The following FRMD3 variants were observed in gnomAD, a reference collection of about 807,000 sequenced individuals.
FRMD3 encodes the protein FERM domain-containing protein 3.
FRMD3 carries 33 observed loss-of-function variants against 70.2 expected under a neutral mutation model. The ratio of observed to expected loss-of-function variants is 0.47; its 90% CI spans 0.36 to 0.63. The LOEUF (loss-of-function observed/expected upper bound fraction) is 0.63, where lower values mean the gene tolerates loss of function less well. FRMD3 is among the 20% of genes least tolerant of loss of function. FRMD3 has a pLI of 0.00. For synonymous variants in FRMD3, 279 were observed against 255.9 expected (o/e 1.09, Z -0.86); for missense variants, 632 against 711.4 (o/e 0.89, Z 1.27).
chr9:83,355,911 AG>A (rs1435951279), intron 3 of FRMD3, among the ~76,000 whole-genome samples: 3 of 152,220 alleles, frequency 2.0e-5, no homozygotes, highest in Non-Finnish European at 4.4e-5. Context: ...TGAGAACAGC[AG>A]GGCTCCTCTC....
chr9:83,406,601 C>A (rs1166833998), intron 1 of FRMD3, among the ~76,000 whole-genome samples: 1 of 152,178 alleles, frequency 6.6e-6, no homozygotes, highest in Non-Finnish European at 1.5e-5. Flanking sequence ...CTGATGATAA[C>A]CCTCCCAGAT....
chr9:83,360,450 G>A lies in FRMD3; in HGVS notation c.296-10693C>T, dbSNP rs182529529. ...GAACCACCTCTAGTACTCACATACC[G>A]AGCATGGAACCTCCTGCCCATCATG... is the stretch of plus-strand genomic sequence containing the variant. On this transcript the variant is annotated intron_variant, in intron 3 of 13. Transcript: ENST00000304195. Among the ~76,000 whole-genome samples the A allele has an allele frequency of 3.6e-3, 548 of 152,210 alleles. 3 individuals carry two copies. The highest frequency in any genetic ancestry group is 0.012 in the African/African-American group (511 of 41,536).
intron 13 of FRMD3, among the ~76,000 whole-genome samples, chr9:83,272,252 C>T (rs1220961034): frequency 7.9e-5 from 12 of 151,842 alleles, no homozygotes; most frequent in Admixed American, 1.3e-4. Context: ...TGCAGGCGGG[C>T]GCCGCCACGC....
At position 83,309,574 on chromosome 9, in the gene FRMD3, A is replaced by T. The variant is rs1336199649; in HGVS notation, c.888T>A (p.His296Gln). 3.1e-6 allele frequency: 5 copies of T among 1,599,670 alleles called. No individual in the cohort carries two copies. Among genetic ancestry groups the T allele is most frequent in the Non-Finnish European group, 3.4e-6 (4 of 1,173,358 alleles). ...FHTSTPAACK[H>Q]LWKCGVENQA... ...GGTTTTCCACTCCACACTTCCAAAG[A>T]TGTTTGCAGGCAGCTGGTGTTGAAG... is the stretch of plus-strand genomic sequence containing the variant. Residue 296 changes from histidine (H) to glutamine (Q), a missense_variant, in exon 10 of 14, where the codon CAT (histidine) becomes CAA (glutamine). Transcript: ENST00000304195.
At chr9:83,390,331 G>T (rs1003735350) in intron 1 of FRMD3, among the ~76,000 whole-genome samples, 3 of 152,210 alleles carry the variant, frequency 2.0e-5, no homozygotes, top group Non-Finnish European at 2.9e-5. Flanking sequence ...GCTCTGCCAG[G>T]AGGCAGCATC....
At chr9:83,414,492 A>C (rs866379250) in intron 1 of FRMD3, among the ~76,000 whole-genome samples, 23 of 152,228 alleles carry the variant, frequency 1.5e-4, no homozygotes, top group African/African-American at 5.1e-4. Flanking sequence ...AAATGGACTT[A>C]ATTAAAATTA....
At chr9:83,393,663 C>T (rs541619505) in intron 1 of FRMD3, among the ~76,000 whole-genome samples, 1 of 152,022 alleles carries the variant, frequency 6.6e-6, no homozygotes, top group South Asian at 2.1e-4. Context: ...AGTGTGCAGC[C>T]TAGATCTCTC....
At chr9:83,452,204 T>C (rs535347195) in intron 1 of FRMD3, among the ~76,000 whole-genome samples, 3 of 152,296 alleles carry the variant, frequency 2.0e-5, no homozygotes, top group African/African-American at 7.2e-5. Context: ...ACACTATTGA[T>C]ATCCTCCTGT....
At chr9:83,309,984 G>A (rs1835289740) in intron 9 of FRMD3, among the ~76,000 whole-genome samples, 1 of 152,208 alleles carries the variant, frequency 6.6e-6, no homozygotes, top group East Asian at 1.9e-4. Flanking sequence ...AAGAAAACCC[G>A]CAAATTTCTA....
intron 3 of FRMD3, among the ~76,000 whole-genome samples, chr9:83,358,779 C>A (rs1356364522): frequency 6.6e-6 from 1 of 151,748 alleles, no homozygotes; most frequent in Non-Finnish European, 1.5e-5. Flanking sequence ...TGCCTATATT[C>A]CTGTTGTGCA....
At chr9:83,418,467 T>C (rs1388411758) in intron 1 of FRMD3, among the ~76,000 whole-genome samples, 1 of 150,918 alleles carries the variant, frequency 6.6e-6, no homozygotes, top group African/African-American at 2.4e-5. Flanking sequence ...TGGGCAAATA[T>C]TATGAATAGA....
downstream of FRMD3, among the ~76,000 whole-genome samples, chr9:83,244,304 T>C (rs1258105384): frequency 6.7e-6 from 1 of 148,192 alleles, no homozygotes; most frequent in African/African-American, 2.4e-5. Flanking sequence ...CTGAAATCCA[T>C]GCTCCTATCT....
rs539079385 is a variant in FRMD3, at chr9:83,245,235, A to G, written c.*2683T>C. 7 of 984,410 alleles carry G rather than the reference A, an allele frequency of 7.1e-6. No individual in the cohort carries two copies. The highest frequency in any genetic ancestry group is 7.2e-6 in the Non-Finnish European group (6 of 828,986). The allele number at this position is 984,410 out of a possible 1,614,324, so 61.0% of individuals were successfully genotyped here. A position where few individuals can be genotyped will look rare whatever the true frequency, so the allele number is the denominator to read the frequency against. On this transcript the variant is annotated 3_prime_UTR_variant, in exon 14 of 14. Transcript: ENST00000304195. The stretch of plus-strand genomic sequence containing the variant: ...CATATACCAATAATATGGAATATAC[A>G]TATACTCACACACTTGCTTTAAACT...
intron 1 of FRMD3, among the ~76,000 whole-genome samples, chr9:83,508,798 C>T (rs1307732371): frequency 6.6e-6 from 1 of 152,200 alleles, no homozygotes; most frequent in African/African-American, 2.4e-5. Flanking sequence ...TACAGGCATA[C>T]GGCCACACTT....
intron 1 of FRMD3, among the ~76,000 whole-genome samples, chr9:83,507,691 CATATAT>C (rs34251863): frequency 0.016 from 776 of 49,206 alleles, 45 homozygotes; most frequent in East Asian, 0.058. Context: ...AATATACATA[CATATAT>C]ATATATATAT....
chr9:83,550,723 T>TGTGTGC, the FRMD3 span, among the ~76,000 whole-genome samples: 1 of 150,380 alleles, frequency 6.6e-6, no homozygotes. Context: ...TGTGTGTGTG[T>TGTGTGC]GCATTCATGT....
intron 5 of FRMD3, among the ~76,000 whole-genome samples, chr9:83,342,688 T>C (rs1471880956): frequency 1.4e-5 from 2 of 138,356 alleles, no homozygotes; most frequent in South Asian, 4.8e-4. Flanking sequence ...GATGGATGGA[T>C]AGATTAGATA....
chr9:83,582,287 T>C, the FRMD3 span, among the ~76,000 whole-genome samples: 2 of 152,206 alleles, frequency 1.3e-5, no homozygotes, highest in Admixed American at 6.5e-5. Context: ...TCAGAAAATG[T>C]TGCAATTGGA....
intron 1 of FRMD3, among the ~76,000 whole-genome samples, chr9:83,395,319 CT>C (rs1825782153): frequency 2.0e-5 from 3 of 148,148 alleles, no homozygotes; most frequent in African/African-American, 4.9e-5. Context: ...GAACTCAATT[CT>C]TTTTTTTATT....
Sources: allele counts gnomAD v4.1 joint callset (sites outside exome capture counted in the v4.1 genomes callset), GRCh38; gene constraint gnomAD v4.1.1; transcripts MANE v1.5; gene names NCBI Gene and HGNC (gene_info 2026-07-23, HGNC 2026-07-21).